Variants in BEND7 observed in about 807,000 individuals in gnomAD.
BEND7 encodes the protein BEN domain containing 7.
A neutral mutation model predicts 50.9 loss-of-function variants in BEND7; 28 were observed. That is an observed-to-expected ratio of 0.55 (90% CI 0.41 to 0.75). The LOEUF is 0.75. Among genes scored for constraint, BEND7 ranks in the 30% least tolerant of loss-of-function variants. BEND7 has a pLI of 0.00. For synonymous variants in BEND7, 170 were observed against 183.9 expected (o/e 0.92, Z 0.61); for missense variants, 477 against 491.3 (o/e 0.97, Z 0.28).
At position 13,528,898 on chromosome 10, in the gene BEND7, C is replaced by CGGCGGA. The variant is rs1441546385; in HGVS notation, c.-371_-366dup. 2.8e-5 allele frequency: 4 copies of CGGCGGA among 144,406 alleles called. No homozygotes were observed. Among genetic ancestry groups the CGGCGGA allele is most frequent in the Non-Finnish European group, 6.1e-5 (4 of 65,124 alleles). 8.9% of individuals were successfully genotyped at this position (144,406 alleles called of 1,614,324 possible). A position where few individuals can be genotyped will look rare whatever the true frequency, so the allele number is the denominator to read the frequency against. On this transcript the variant is annotated 5_prime_UTR_variant, in exon 1 of 9. Coordinates refer to ENST00000466271, the MANE Select transcript of BEND7 (RefSeq NM_001369863.1). ...GGGCCGGGCCGGGGCGCGGCGGCGG[C>CGGCGGA]GGCGGAGGCGGGGGGCGGCTCGGGG...
At chr10:13,514,405 C>T (rs2078505798) in intron 2 of BEND7, among the ~76,000 whole-genome samples, 2 of 152,176 alleles carry the variant, frequency 1.3e-5, no homozygotes, top group South Asian at 4.1e-4. Context: ...GGGTGGCAAG[C>T]AGAAGCCATT....
At chr10:13,473,742 A>C (rs189888260) in intron 6 of BEND7, among the ~76,000 whole-genome samples, 10 of 151,484 alleles carry the variant, frequency 6.6e-5, no homozygotes, top group Admixed American at 2.0e-4. Flanking sequence ...TCACTATTAG[A>C]CTCGGGGTTG....
intron 2 of BEND7, chr10:13,502,822 A>G (rs2077577439): frequency 1.2e-6 from 1 of 847,342 alleles, no homozygotes; most frequent in African/African-American, 1.8e-5. Flanking sequence ...CTCCCTGAAC[A>G]GAGCAGCCAT....
At chr10:13,519,500 G>C (rs2078939035) in intron 2 of BEND7, among the ~76,000 whole-genome samples, 1 of 146,772 alleles carries the variant, frequency 6.8e-6, no homozygotes, top group Admixed American at 6.8e-5. Flanking sequence ...AAAAAAAAAA[G>C]AAAAGATAAC....
chr10:13,487,623 T>C (rs1448771727), intron 5 of BEND7, among the ~76,000 whole-genome samples: 1 of 152,054 alleles, frequency 6.6e-6, no homozygotes, highest in African/African-American at 2.4e-5. Flanking sequence ...TGATCTCAGC[T>C]GATCTACTAG....
At chr10:13,516,293 A>G (rs2078664440) in intron 2 of BEND7, among the ~76,000 whole-genome samples, 2 of 152,188 alleles carry the variant, frequency 1.3e-5, no homozygotes, top group African/African-American at 2.4e-5. Context: ...CTGGTGTTGC[A>G]AGATTCCAGG....
intron 2 of BEND7, among the ~76,000 whole-genome samples, chr10:13,515,655 T>A (rs1451740089): frequency 6.6e-6 from 1 of 152,206 alleles, no homozygotes; most frequent in Non-Finnish European, 1.5e-5. Flanking sequence ...CCCTTTGACC[T>A]CTCTCTCCTA....
At chr10:13,515,441 T>C (rs2078596403) in intron 2 of BEND7, among the ~76,000 whole-genome samples, 1 of 152,250 alleles carries the variant, frequency 6.6e-6, no homozygotes, top group Non-Finnish European at 1.5e-5. Context: ...AATAACAGTA[T>C]ATTTCTGCAT....
At chr10:13,447,168 G>A in intron 8 of BEND7, 98 bp downstream of exon 8, 1 of 1,287,380 alleles carries the variant, frequency 7.8e-7, no homozygotes, top group Non-Finnish European at 1.1e-6. Flanking sequence ...GTTTGCTCAA[G>A]TGTCTGCATG....
intron 6 of BEND7, among the ~76,000 whole-genome samples, chr10:13,473,730 C>T (rs2075143666): frequency 6.6e-6 from 1 of 151,974 alleles, no homozygotes; most frequent in Non-Finnish European, 1.5e-5. Context: ...CGATACCCAT[C>T]ATCACTATTA....
chr10:13,447,436 T>G, intron 7 of BEND7, 120 bp from the exon 8 acceptor site: 1 of 959,222 alleles, frequency 1.0e-6, no homozygotes, highest in Non-Finnish European at 1.6e-6. Context: ...ACCATTCTTT[T>G]CTGTTTTCAG....
At chr10:13,472,594 C>T (rs188237814) in intron 6 of BEND7, among the ~76,000 whole-genome samples, 125 of 152,046 alleles carry the variant, frequency 8.2e-4, no homozygotes, top group Admixed American at 4.6e-4. Flanking sequence ...GGTTGATACC[C>T]GTCATCACTG....
At chr10:13,463,716 T>C (rs960155710) in intron 6 of BEND7, among the ~76,000 whole-genome samples, 9 of 152,108 alleles carry the variant, frequency 5.9e-5, no homozygotes, top group African/African-American at 2.2e-4. Context: ...GCAAAAAGCA[T>C]GAAGAGAATC....
intron 4 of BEND7, among the ~76,000 whole-genome samples, chr10:13,495,206 A>G (rs2076944338): frequency 6.6e-6 from 1 of 152,244 alleles, no homozygotes; most frequent in Non-Finnish European, 1.5e-5. Context: ...AAGAATCCGA[A>G]CATCATAAAG....
intron 2 of BEND7, among the ~76,000 whole-genome samples, chr10:13,502,260 A>G (rs551037788): frequency 1.3e-5 from 2 of 152,324 alleles, no homozygotes; most frequent in South Asian, 2.1e-4. Context: ...AAATATCTTT[A>G]GTTTTTAAAA....
intron 2 of BEND7, among the ~76,000 whole-genome samples, chr10:13,506,773 G>C (rs944612586): frequency 1.3e-5 from 2 of 151,998 alleles, no homozygotes; most frequent in Non-Finnish European, 2.9e-5. Context: ...TGGAGAGAGA[G>C]AGAGAGACAC....
downstream of BEND7, chr10:13,439,156 A>T: frequency 6.3e-7 from 1 of 1,581,278 alleles, no homozygotes; most frequent in South Asian, 1.2e-5. Context: ...CACACACATA[A>T]ATAAGCAAGA....
intron 6 of BEND7, among the ~76,000 whole-genome samples, chr10:13,460,973 G>A (rs1430837684): frequency 1.3e-5 from 2 of 152,192 alleles, no homozygotes; most frequent in African/African-American, 4.8e-5. Context: ...GGAGGATAAA[G>A]GCAGTAAGAA....
chr10:13,487,161 C>T (rs1431005978), intron 5 of BEND7, among the ~76,000 whole-genome samples: 1 of 152,152 alleles, frequency 6.6e-6, no homozygotes, highest in Non-Finnish European at 1.5e-5. Flanking sequence ...ATGCCCTAGG[C>T]TAACACATAT....
Sources: allele counts gnomAD v4.1 joint callset (sites outside exome capture counted in the v4.1 genomes callset), GRCh38; gene constraint gnomAD v4.1.1; transcripts MANE v1.5; gene names NCBI Gene and HGNC (gene_info 2026-07-23, HGNC 2026-07-21).